OSMR: variants seen among roughly 807,000 people sequenced by gnomAD.
The protein encoded by OSMR is oncostatin-M-specific receptor subunit beta.
A neutral mutation model predicts 99.9 loss-of-function variants in OSMR; 81 were observed. The observed-to-expected ratio is 0.81, with a 90% CI of 0.68 to 0.97. OSMR has a LOEUF of 0.97. Among genes scored for constraint, OSMR ranks in the 50% least tolerant of loss-of-function variants. The pLI, the probability that OSMR is intolerant of heterozygous loss-of-function variation, is 0.00. For missense variants in OSMR, 1,099 were observed against 1,153.4 expected, an observed-to-expected ratio of 0.95 and a Z score of 0.68; for synonymous variants, 406 against 410.4, an observed-to-expected ratio of 0.99 and a Z score of 0.13.
At chr5:38,917,385 G>T in intron 9 of OSMR, 161 bp from the exon 10 acceptor site, 3 of 984,164 alleles carry the variant, frequency 3.0e-6, no homozygotes, top group Non-Finnish European at 3.6e-6. Flanking sequence ...GAGCAGTGTG[G>T]CTGTGGACCA....
intron 11 of OSMR, chr5:38,919,691 A>G (rs1483251239): frequency 8.9e-6 from 2 of 224,628 alleles, no homozygotes; most frequent in African/African-American, 4.7e-5. Flanking sequence ...ATACATGGGC[A>G]TACATAATGT....
chr5:38,926,500 G>C (rs371339664), intron 15 of OSMR, among the ~76,000 whole-genome samples: 1 of 152,158 alleles, frequency 6.6e-6, no homozygotes, highest in South Asian at 2.1e-4. Flanking sequence ...TTAACATGGC[G>C]GAAGGAGAGA....
At chr5:38,857,824 T>G (rs920071118) in intron 1 of OSMR, among the ~76,000 whole-genome samples, 1 of 152,000 alleles carries the variant, frequency 6.6e-6, no homozygotes, top group Admixed American at 6.5e-5. Flanking sequence ...CGTGCCACCA[T>G]GCCTGGCTAA....
chr5:38,940,737 C>A (rs924826432), intron 1 of OSMR: 1 of 232,548 alleles, frequency 4.3e-6, no homozygotes, highest in Non-Finnish European at 8.5e-6. Context: ...AATGCTTCAT[C>A]CCAACTGGAA....
intron 4 of OSMR, chr5:38,883,604 G>A: frequency 1.6e-6 from 1 of 624,374 alleles, no homozygotes; most frequent in Non-Finnish European, 2.0e-6. Flanking sequence ...GTCTGTGGCA[G>A]TAAGAGCAAC....
chr5:38,893,387 G>A (rs909308680), intron 7 of OSMR, among the ~76,000 whole-genome samples: 3 of 152,178 alleles, frequency 2.0e-5, no homozygotes, highest in African/African-American at 7.2e-5. Context: ...TCAATTGTAA[G>A]GAGGCTCGAA....
At chr5:38,893,226 G>A (rs1054887617) in intron 7 of OSMR, among the ~76,000 whole-genome samples, 1 of 152,192 alleles carries the variant, frequency 6.6e-6, no homozygotes, top group African/African-American at 2.4e-5. Flanking sequence ...TAGGTGCAAA[G>A]CCAAAAGACC....
chr5:38,846,677 G>C (rs372251006), intron 1 of OSMR, among the ~76,000 whole-genome samples: 1 of 152,124 alleles, frequency 6.6e-6, no homozygotes, highest in Admixed American at 6.5e-5. Context: ...GCGTAGAAGC[G>C]GGAGGAGCTC....
intron 1 of OSMR, among the ~76,000 whole-genome samples, chr5:38,868,317 G>A (rs946256764): frequency 5.9e-5 from 9 of 152,184 alleles, no homozygotes; most frequent in Admixed American, 2.0e-4. Flanking sequence ...AGCTGAGGTG[G>A]CCCTCTCTGT....
rs1328142804 is a variant in OSMR, at chr5:38,904,346, C to A, written c.1135-7C>A. 4 of 1,613,330 alleles carry A rather than the reference C, an allele frequency of 2.5e-6. No homozygotes were observed. The highest frequency in any genetic ancestry group is 3.4e-6 in the Non-Finnish European group (4 of 1,179,668). ...TTTTTCTTTTCTTCTCTTTTTTGAT[C>A]AAGCAGTACAATGTTTCCATCAAGG... is the stretch of plus-strand genomic sequence containing the variant. On this transcript the variant is annotated splice_polypyrimidine_tract_variant and splice_region_variant and intron_variant, in intron 8 of 17. Coordinates refer to ENST00000274276, the MANE Select transcript of OSMR (RefSeq NM_003999.3).
At chr5:38,886,406 T>G in intron 7 of OSMR, 1 of 1,329,036 alleles carries the variant, frequency 7.5e-7, no homozygotes, top group Non-Finnish European at 9.7e-7. Flanking sequence ...CCAATGAGCT[T>G]ACTACCCAAC....
chr5:38,941,185 T>C (rs1159229625), intron 1 of OSMR: 1 of 232,840 alleles, frequency 4.3e-6, no homozygotes, highest in East Asian at 6.1e-5. Flanking sequence ...AGGCAATTAA[T>C]ATACTCATAA....
At chr5:38,847,644 C>A (rs189048403) in intron 1 of OSMR, among the ~76,000 whole-genome samples, 7 of 151,744 alleles carry the variant, frequency 4.6e-5, no homozygotes, top group Non-Finnish European at 1.0e-4. Flanking sequence ...CAAACACAGC[C>A]TTCTATTCAG....
chr5:38,932,928 A>G lies in OSMR; in HGVS notation c.2424A>G (p.Glu808=). The G allele has an allele frequency of 6.2e-7, 1 of 1,614,170 alleles. No homozygotes were observed. The highest frequency in any genetic ancestry group is 1.3e-5 in the African/African-American group (1 of 75,046). ...NVSDCIPDAI[E]VVSKPEGTKI... ...GTGACTGTATCCCAGATGCTATTGA[A>G]GTTGTAAGCAAGCCAGAAGGGACAA... The change falls in exon 18 of 18, where the codon GAA becomes GAG. Residue 808 remains glutamate, a synonymous_variant. Transcript: ENST00000274276.
At chr5:38,874,595 GAGCCCC>G (rs1742656809) in intron 2 of OSMR, among the ~76,000 whole-genome samples, 1 of 152,206 alleles carries the variant, frequency 6.6e-6, no homozygotes, top group Admixed American at 6.5e-5. Context: ...GCTCCATGCA[GAGCCCC>G]ATCCTGTCAC....
rs1746855008 is a variant in OSMR, at chr5:38,933,181, G to A, written c.2677G>A (p.Val893Ile). 6.2e-7 allele frequency: 1 copy of A among 1,613,986 alleles called. No individual in the cohort carries two copies. The highest frequency in any genetic ancestry group is 8.5e-7 in the Non-Finnish European group (1 of 1,180,008). ...MLGLMTSPEN[V>I]LKALEKNYMN... ...GGGACTAATGACCTCACCTGAAAATGTACTAAAGGCACTAGAAAAAAACTA... is the reference window on the plus strand; with the variant it reads ...GGGACTAATGACCTCACCTGAAAATATACTAAAGGCACTAGAAAAAAACTA... Residue 893 changes from valine to isoleucine, a missense_variant, in exon 18 of 18, where the codon GTA becomes ATA. Transcript: ENST00000274276.
At chr5:38,867,470 C>G (rs1343988117) in intron 1 of OSMR, among the ~76,000 whole-genome samples, 1 of 152,200 alleles carries the variant, frequency 6.6e-6, no homozygotes, top group Non-Finnish European at 1.5e-5. Flanking sequence ...AAATCGGTTT[C>G]AAATTAATTG....
At chr5:38,852,887 C>T (rs531196284) in intron 1 of OSMR, among the ~76,000 whole-genome samples, 127 of 151,768 alleles carry the variant, frequency 8.4e-4, no homozygotes, top group African/African-American at 2.5e-3. Flanking sequence ...CCCACCACCA[C>T]GCCCGGCTAA....
At chr5:38,886,472 C>A in intron 7 of OSMR, 1 of 553,302 alleles carries the variant, frequency 1.8e-6, no homozygotes, top group Non-Finnish European at 2.7e-6. Context: ...GTAACGCCCC[C>A]ACCTTCGCTC....
Sources: allele counts gnomAD v4.1 joint callset (sites outside exome capture counted in the v4.1 genomes callset), GRCh38; gene constraint gnomAD v4.1.1; transcripts MANE v1.5; gene names NCBI Gene and HGNC (gene_info 2026-07-23, HGNC 2026-07-21).